The following HYI variants were observed in gnomAD, a reference collection of about 807,000 sequenced individuals.
HYI encodes the protein hydroxypyruvate isomerase (putative), also known as putative hydroxypyruvate isomerase.
HYI carries 47 observed loss-of-function variants against 39.7 expected under a neutral mutation model. The ratio of observed to expected loss-of-function variants is 1.18; its 90% CI spans 0.94 to 1.51. The LOEUF is 1.51. Among genes scored for constraint, HYI ranks in the 40% most tolerant of loss-of-function variants. The pLI is 0.00. For synonymous variants in HYI, 186 were observed against 158.8 expected (o/e 1.17, Z -1.29); for missense variants, 465 against 370.3 (o/e 1.26, Z -2.10).
At chr1:43,453,000 C>T (rs772802176) in intron 2 of HYI, 2 of 1,564,902 alleles carry the variant, frequency 1.3e-6, no homozygotes, top group Non-Finnish European at 8.8e-7. Context: ...AAGCAATGCC[C>T]ACTCCTTGAA....
At chr1:43,453,255 C>A (rs982356439) in intron 2 of HYI, 131 bp downstream of exon 2, 11 of 673,384 alleles carry the variant, frequency 1.6e-5, no homozygotes, top group Non-Finnish European at 2.0e-5. Flanking sequence ...TTACAAAGGA[C>A]CAGGACCGCA....
chr1:43,451,328 G>A lies in HYI; in HGVS notation c.761-17C>T. On this transcript the variant is annotated splice_polypyrimidine_tract_variant and intron_variant, in intron 7 of 7. Coordinates refer to ENST00000372430, the MANE Select transcript of HYI (RefSeq NM_001190880.3). ...CTGTGTCTCCTGCAGGGAGAGGGAG[G>A]CCTCGGCACCTCAGCCCACAAGGAG... 6.2e-7 allele frequency: 1 copy of A among 1,613,330 alleles called. No homozygotes were observed. Among genetic ancestry groups the A allele is most frequent in the Non-Finnish European group, 8.5e-7 (1 of 1,180,000 alleles).
At position 43,453,447 on chromosome 1, in the gene HYI, C is replaced by T. The variant is rs781311591; in HGVS notation, c.250G>A (p.Ala84Thr). ...TGCTCCAGTCCCTCTCGGAAGGCCGCCTGTCTCCCGGGGACGGCCCCCAGC... is the reference window on the plus strand; with the variant it reads ...TGCTCCAGTCCCTCTCGGAAGGCCGTCTGTCTCCCGGGGACGGCCCCCAGC... ...MGLGAVPGRQ[A>T]AFREGLEQAV... The change falls in exon 2 of 8, where the codon GCG becomes ACG. Residue 84 changes from alanine to threonine, a missense_variant. Coordinates refer to ENST00000372430, the MANE Select transcript of HYI (RefSeq NM_001190880.3). 2.6e-5 allele frequency: 41 copies of T among 1,564,572 alleles called. 1 individual carries two copies. The Middle Eastern group carries it at 1.0e-3, about 38-fold the overall frequency.
Position 43,453,831 on chromosome 1 carries a change from CAAAGGCG to C in HYI, c.-45_-39del. On this transcript the variant is annotated 5_prime_UTR_variant, in exon 1 of 8. Coordinates refer to ENST00000372430, the MANE Select transcript of HYI (RefSeq NM_001190880.3). ...CGGGCCGGGCGGAGTCCGCGGGATC[CAAAGGCG>C]GCGGGCGGCGGGCGGCGGGCGGCGG... 1.7e-6 allele frequency: 2 copies of C among 1,206,192 alleles called. No individual in the cohort carries two copies. The highest frequency in any genetic ancestry group is 2.1e-6 in the Non-Finnish European group (2 of 972,298). The allele number at this position is 1,206,192 out of a possible 1,614,324, so 74.7% of individuals were successfully genotyped here. A position where few individuals can be genotyped will look rare whatever the true frequency, so the allele number is the denominator to read the frequency against.
At chr1:43,453,526 G>A (rs1312736365) in intron 1 of HYI, 29 bp from the exon 2 acceptor site, 9 of 1,532,446 alleles carry the variant, frequency 5.9e-6, no homozygotes, top group East Asian at 2.5e-5. Flanking sequence ...TCAGCCCCCG[G>A]CTCGGACACT....
intron 2 of HYI, 23 bp downstream of exon 2, chr1:43,453,362 TG>T (rs1477571708): frequency 3.4e-6 from 3 of 879,672 alleles, no homozygotes; most frequent in Non-Finnish European, 2.8e-6. Context: ...GTCACAGGGG[TG>T]GGGGTGGGGT....
intron 2 of HYI, chr1:43,452,834 C>T: frequency 1.3e-6 from 2 of 1,497,662 alleles, no homozygotes; most frequent in Non-Finnish European, 9.1e-7. Flanking sequence ...CTCCCATCAT[C>T]CCCTGATCTT....
chr1:43,452,060 TC>T (rs768969523), intron 3 of HYI, 47 bp from the exon 4 acceptor site: 1 of 1,570,862 alleles, frequency 6.4e-7, no homozygotes, highest in Non-Finnish European at 8.7e-7. Flanking sequence ...CCCAAGTTTG[TC>T]CCCCATCAGT....
chr1:43,452,107 C>T, intron 3 of HYI, 94 bp from the exon 4 acceptor site: 6 of 1,509,306 alleles, frequency 4.0e-6, no homozygotes, highest in Non-Finnish European at 5.5e-6. Context: ...GTTCCTCTGA[C>T]CTAGGCTGGC....
Position 43,451,232 on chromosome 1 carries a change from G to C in HYI, c.*6C>G. The C allele has an allele frequency of 6.2e-7, 1 of 1,613,734 alleles. No homozygotes were observed. The highest frequency in any genetic ancestry group is 1.1e-5 in the South Asian group (1 of 91,082). On this transcript the variant is annotated 3_prime_UTR_variant, in exon 8 of 8. Coordinates refer to ENST00000372430, the MANE Select transcript of HYI (RefSeq NM_001190880.3). ...GTCTGGAGGCACGTGGGTGGTGTGCGGGCCCTCACTGGCCAGCCTCTGGGT... is the reference window on the plus strand; with the variant it reads ...GTCTGGAGGCACGTGGGTGGTGTGCCGGCCCTCACTGGCCAGCCTCTGGGT...
chr1:43,451,884 A>G, intron 4 of HYI, 37 bp from the exon 5 acceptor site: 1 of 1,614,064 alleles, frequency 6.2e-7, no homozygotes, highest in South Asian at 1.1e-5. Context: ...GTGAGCCTCA[A>G]GAGCACAGGA....
rs1656356862 is a variant in HYI, at chr1:43,451,186, G to A, written c.*52C>T. ...AGCAGGTCATCTTTAATGCAGAGGA[G>A]GAGATGGGATGTCACTCGCTGTCTG... On this transcript the variant is annotated 3_prime_UTR_variant, in exon 8 of 8. Coordinates refer to ENST00000372430, the MANE Select transcript of HYI (RefSeq NM_001190880.3). The A allele has an allele frequency of 1.3e-6, 2 of 1,495,184 alleles. No individual in the cohort carries two copies. The highest frequency in any genetic ancestry group is 1.9e-6 in the Non-Finnish European group (2 of 1,071,778). 92.6% of individuals were successfully genotyped at this position (1,495,184 alleles called of 1,614,324 possible). A position where few individuals can be genotyped will look rare whatever the true frequency, so the allele number is the denominator to read the frequency against.
chr1:43,450,657 A>C, downstream of HYI: 1 of 972,040 alleles, frequency 1.0e-6, no homozygotes, highest in South Asian at 1.6e-5. The surrounding 1 kb of genome is among the most constrained non-coding windows in gnomAD (Gnocchi z 4.3). Context: ...GGCAGCAGGA[A>C]CCGCCCTCCC....
Position 43,453,487 on chromosome 1 carries a change from C to T in HYI, c.210G>A (p.Glu70=), listed in dbSNP as rs905464006. 8 of 1,556,302 alleles carry T rather than the reference C, an allele frequency of 5.1e-6. No homozygotes were observed. Among genetic ancestry groups the T allele is most frequent in the Non-Finnish European group, 6.1e-6 (7 of 1,149,340 alleles). ...VLINTPPGDQ[E]KGEMGLGAVP... ...CGGCCCCCAGCCCCATTTCCCCCTTCTCTTGGTCTCCTGCAGAGAGAACGG... is the reference window on the plus strand; with the variant it reads ...CGGCCCCCAGCCCCATTTCCCCCTTTTCTTGGTCTCCTGCAGAGAGAACGG... The change falls in exon 2 of 8, where the codon GAG becomes GAA. Residue 70 remains glutamate (E), a synonymous_variant. Coordinates refer to ENST00000372430, the MANE Select transcript of HYI (RefSeq NM_001190880.3).
rs79857390 is a variant in HYI at position 43,453,058 on chromosome 1, A to G, written c.311+328T>C. The G allele has an allele frequency of 1.4e-3, 1,591 of 1,116,376 alleles. 42 individuals are homozygous for G. The East Asian group carries it at 0.039, about 27-fold the overall frequency. 69.2% of individuals were successfully genotyped at this position (1,116,376 alleles called of 1,614,324 possible). A position where few individuals can be genotyped will look rare whatever the true frequency, so the allele number is the denominator to read the frequency against. On this transcript the variant is annotated intron_variant, in intron 2 of 7. Transcript: ENST00000372430. The stretch of plus-strand genomic sequence containing the variant: ...GTAAGCAGCTTTCTCTGATCCAGAC[A>G]GGGTTAGGTGCCTACCCTGCTCCCA...
In HYI at chr1:43,453,611, C is replaced by T. The variant is rs949427907; in HGVS notation, c.183G>A (p.Leu61=). 1 of 1,496,950 alleles carries T rather than the reference C, an allele frequency of 6.7e-7. No individual in the cohort carries two copies. Among genetic ancestry groups the T allele is most frequent in the Non-Finnish European group, 8.9e-7 (1 of 1,127,390 alleles). 92.7% of individuals were successfully genotyped at this position (1,496,950 alleles called of 1,614,324 possible). Residue 61 remains leucine (L), a synonymous_variant, in exon 1 of 8, where the codon CTG becomes CTA. Coordinates refer to ENST00000372430, the MANE Select transcript of HYI (RefSeq NM_001190880.3). The part of the protein sequence containing the change: ...AAREAGLRLV[L]INTPPGDQEK... Reference sequence around the variant, plus strand: ...GCGACGCACCCGGGGGCGTGTTGATCAGTACAAGCCGCAGCCCCGCTTCTC... The same window carrying T: ...GCGACGCACCCGGGGGCGTGTTGATTAGTACAAGCCGCAGCCCCGCTTCTC...
At chr1:43,452,478 TC>T (rs1557616137) in intron 2 of HYI, 159 bp from the exon 3 acceptor site, 2 of 711,674 alleles carry the variant, frequency 2.8e-6, no homozygotes, top group South Asian at 3.0e-5. Context: ...CAGAGACACT[TC>T]AGTGATGGCT....
At position 43,453,654 on chromosome 1, in the gene HYI, G is replaced by C; in HGVS notation, c.140C>G (p.Ala47Gly). The change falls in exon 1 of 8, where the codon GCG becomes GGG. Residue 47 changes from alanine to glycine, a missense_variant. Physicochemically the swap from Ala to Gly is moderately conservative, Grantham distance 60. Transcript: ENST00000372430. ...CGCTTCTCGCGCGGCGCGCGCCAGC[G>C]CCTCAGGCGTCTCCGCGTACGGCCA... ...VAWPYAETPE[A>G]LARAAREAGL... The C allele has an allele frequency of 6.7e-7, 1 of 1,486,498 alleles. No individual in the cohort carries two copies. Among genetic ancestry groups the C allele is most frequent in the Non-Finnish European group, 8.9e-7 (1 of 1,126,082 alleles). The allele number at this position is 1,486,498 out of a possible 1,614,324, so 92.1% of individuals were successfully genotyped here. A position where few individuals can be genotyped will look rare whatever the true frequency, so the allele number is the denominator to read the frequency against.
chr1:43,452,044 C>A (rs765107826), intron 3 of HYI, 31 bp from the exon 4 acceptor site: 9 of 1,585,450 alleles, frequency 5.7e-6, no homozygotes, highest in Non-Finnish European at 7.7e-6. Flanking sequence ...GTGAATAGAG[C>A]TCCTTCCCAA....
Sources: gnomAD v4.1 joint callset for allele counts on GRCh38, gnomAD v4.1.1 for gene constraint, Gnocchi (gnomAD v3.1) non-coding constraint, MANE v1.5 for transcripts, NCBI Gene and HGNC (gene_info 2026-07-23, HGNC 2026-07-21) for gene names.